The following OSBPL3 variants were observed in gnomAD, a reference collection of about 807,000 sequenced individuals.
OSBPL3 encodes oxysterol-binding protein-related protein 3.
Under a neutral mutation model 120.1 loss-of-function variants are expected in OSBPL3, and 65 were observed. The observed-to-expected ratio is 0.54, with a 90% CI of 0.44 to 0.67. The LOEUF (loss-of-function observed/expected upper bound fraction) is 0.67, where lower values mean the gene tolerates loss of function less well. OSBPL3 is among the 30% of genes least tolerant of loss of function. The pLI is 0.00. For missense variants in OSBPL3, 1,004 were observed against 1,082.1 expected (o/e 0.93, Z 1.01); for synonymous variants, 416 against 402.6 (o/e 1.03, Z -0.40).
chr7:24,838,277 C>A (rs1452050371), intron 14 of OSBPL3, among the ~76,000 whole-genome samples: 1 of 152,136 alleles, frequency 6.6e-6, no homozygotes, highest in Non-Finnish European at 1.5e-5. Flanking sequence ...GGGCAGATTA[C>A]TTGAGGCCAG....
chr7:24,908,681 C>T (rs986840828), intron 1 of OSBPL3, among the ~76,000 whole-genome samples: 18 of 152,348 alleles, frequency 1.2e-4, no homozygotes, highest in African/African-American at 4.3e-4. Flanking sequence ...TTCTCATAAG[C>T]TGCACAATGG....
chr7:24,979,658 G>A (rs533067833), intron 1 of OSBPL3, among the ~76,000 whole-genome samples: 21 of 152,238 alleles, frequency 1.4e-4, no homozygotes, highest in African/African-American at 3.4e-4. Context: ...GAGGGAAGGT[G>A]TCCTGGGGTG....
intron 1 of OSBPL3, among the ~76,000 whole-genome samples, chr7:24,902,577 T>C (rs987269319): frequency 1.3e-5 from 2 of 152,094 alleles, no homozygotes; most frequent in African/African-American, 4.8e-5. Context: ...TGCTGCATCT[T>C]AAGGTAGGAC....
At chr7:24,861,230 T>C (rs1800487672) in intron 10 of OSBPL3, among the ~76,000 whole-genome samples, 1 of 152,212 alleles carries the variant, frequency 6.6e-6, no homozygotes, top group African/African-American at 2.4e-5. Context: ...AATGGATACT[T>C]TGTTTGGATA....
chr7:24,863,436 G>T lies in OSBPL3; in HGVS notation c.777+60C>A, dbSNP rs1800857707. 6.9e-7 allele frequency: 1 copy of T among 1,451,718 alleles called. No homozygotes were observed. The highest frequency in any genetic ancestry group is 2.3e-5 in the East Asian group (1 of 44,066). 89.9% of individuals were successfully genotyped at this position (1,451,718 alleles called of 1,614,324 possible). A position where few individuals can be genotyped will look rare whatever the true frequency, so the allele number is the denominator to read the frequency against. Reference sequence around the variant, plus strand: ...AGCATCCCACTGTTAGTGAAAGGCTGGGAGGAGAAAGGAAAGCAGAAGAGG... The same window carrying T: ...AGCATCCCACTGTTAGTGAAAGGCTTGGAGGAGAAAGGAAAGCAGAAGAGG... On this transcript the variant is annotated intron_variant, in intron 8 of 22. Transcript: ENST00000313367. The surrounding 1 kb of genome is among the most constrained non-coding windows in gnomAD (Gnocchi z 5.8).
At position 24,894,639 on chromosome 7, in the gene OSBPL3, T is replaced by C. The variant is rs1380732681; in HGVS notation, c.-149-2018A>G. On this transcript the variant is annotated intron_variant, in intron 1 of 22. Coordinates refer to ENST00000313367, the MANE Select transcript of OSBPL3 (RefSeq NM_015550.4). The surrounding 1 kb of genome is among the most constrained non-coding windows in gnomAD (Gnocchi z 4.1). ...ATTAGGAATACCAGCGGAGTGTTTG[T>C]GTGTGTGTGTACAAGCTTTGCTTTT... Among the ~76,000 whole-genome samples, 4 of 151,854 alleles carry C rather than the reference T, an allele frequency of 2.6e-5. No individual in the cohort carries two copies. The highest frequency in any genetic ancestry group is 2.6e-4 in the Admixed American group (4 of 15,230).
chr7:24,884,822 TCTC>T (rs1193394463), intron 2 of OSBPL3, among the ~76,000 whole-genome samples: 1 of 152,136 alleles, frequency 6.6e-6, no homozygotes, highest in African/African-American at 2.4e-5. Context: ...GCTCGCTGCC[TCTC>T]CTCTTCTATG....
intron 19 of OSBPL3, 58 bp from the exon 20 acceptor site, chr7:24,810,009 A>C (rs1793575405): frequency 1.3e-6 from 2 of 1,582,688 alleles, no homozygotes; most frequent in Non-Finnish European, 1.7e-6. Context: ...TACAGATATT[A>C]AGGAAAGAAA....
intron 14 of OSBPL3, among the ~76,000 whole-genome samples, chr7:24,839,991 C>CAAAAAAAAAAAAAAAAAAAAAAAA (rs71675250): frequency 1.9e-5 from 1 of 53,268 alleles, no homozygotes; most frequent in Non-Finnish European, 3.3e-5. Context: ...CTCCATCTCA[C>CAAAAAAAAAAAAAAAAAAAAAAAA]AAAAAAAAAA....
Position 24,891,645 on chromosome 7 carries a change from C to A in OSBPL3, c.96+732G>T, listed in dbSNP as rs751069052. Among the ~76,000 whole-genome samples the A allele has an allele frequency of 6.6e-6, 1 of 152,192 alleles. No individual in the cohort carries two copies. The highest frequency in any genetic ancestry group is 1.5e-5 in the Non-Finnish European group (1 of 68,032). ...GGGAAGAATTATAATGATTAATGTG[C>A]ATTTACTGCCACTGATCTAAAACCA... On this transcript the variant is annotated intron_variant, in intron 2 of 22. Coordinates refer to ENST00000313367, the MANE Select transcript of OSBPL3 (RefSeq NM_015550.4). This position sits in a 1 kb window ranked among gnomAD's most constrained non-coding sequence, Gnocchi z 4.1.
chr7:24,863,556 G>C lies in OSBPL3; in HGVS notation c.717C>G (p.Leu239=). Residue 239 remains leucine (L), a synonymous_variant, in exon 8 of 23, where the codon CTC becomes CTG. Coordinates refer to ENST00000313367, the MANE Select transcript of OSBPL3 (RefSeq NM_015550.4). The surrounding 1 kb of genome is among the most constrained non-coding windows in gnomAD (Gnocchi z 5.8). ...GATGCAGGACGTCCATGCTTTGCAG[G>C]AGCTGGCTCATTTCTACCAGGTAGG... ...CHAYLVEMSQ[L]LQSMDVLHRT... is the part of the protein sequence containing the mutation. The C allele has an allele frequency of 6.2e-7, 1 of 1,614,144 alleles. No homozygotes were observed.
At chr7:24,925,151 A>T (rs1194111380) in intron 1 of OSBPL3, among the ~76,000 whole-genome samples, 1 of 152,224 alleles carries the variant, frequency 6.6e-6, no homozygotes, top group Non-Finnish European at 1.5e-5. Context: ...TTGGATTTAA[A>T]AAGCCAGCAG....
chr7:24,888,640 G>A (rs1804879124), intron 2 of OSBPL3, among the ~76,000 whole-genome samples: 1 of 152,270 alleles, frequency 6.6e-6, no homozygotes, highest in East Asian at 1.9e-4. Context: ...ATGTAAAAAT[G>A]AAAACACCTA....
intron 12 of OSBPL3, among the ~76,000 whole-genome samples, chr7:24,846,815 A>G (rs894081403): frequency 7.2e-5 from 11 of 152,200 alleles, no homozygotes; most frequent in Admixed American, 6.5e-5. Flanking sequence ...CTTTAATCCC[A>G]GCACTTTGGG....
rs1811801593 is a variant in OSBPL3 at position 24,931,607 on chromosome 7, C to T, written c.-149-38986G>A. On this transcript the variant is annotated intron_variant, in intron 1 of 22. Coordinates refer to ENST00000313367, the MANE Select transcript of OSBPL3 (RefSeq NM_015550.4). ...ACAAAAGCCTCCAAAAGAACAATGC[C>T]CGTTGACACCTGATTTTAGTTTTCT... Among the ~76,000 whole-genome samples, 3 of 152,132 alleles carry T rather than the reference C, an allele frequency of 2.0e-5. No individual in the cohort carries two copies. The East Asian group carries it at 5.8e-4, about 29-fold the overall frequency.
intron 1 of OSBPL3, among the ~76,000 whole-genome samples, chr7:24,979,476 G>A (rs1051867361): frequency 8.5e-5 from 13 of 152,152 alleles, no homozygotes; most frequent in African/African-American, 2.4e-4. Context: ...CCATCCCGCG[G>A]ATGTGGTAAA....
chr7:24,866,689 C>T (rs13245133), intron 5 of OSBPL3, among the ~76,000 whole-genome samples: 1 of 152,026 alleles, frequency 6.6e-6, no homozygotes, highest in Non-Finnish European at 1.5e-5. Flanking sequence ...GAGAAATAGC[C>T]TCTCATTGAC....
Position 24,980,010 on chromosome 7 carries a change from C to T in OSBPL3, c.-274G>A. The T allele has an allele frequency of 1.0e-6, 1 of 985,472 alleles. No homozygotes were observed. The highest frequency in any genetic ancestry group is 1.2e-6 in the Non-Finnish European group (1 of 830,008). 61.0% of individuals were successfully genotyped at this position (985,472 alleles called of 1,614,324 possible). ...CCCCCGCAACGTGCAGCTGACAGCT[C>T]CCGCACCGGCCGCAGGAGTCGGGGG... is the stretch of plus-strand genomic sequence containing the variant. On this transcript the variant is annotated 5_prime_UTR_variant, in exon 1 of 23. Coordinates refer to ENST00000313367, the MANE Select transcript of OSBPL3 (RefSeq NM_015550.4).
chr7:24,904,428 A>T (rs1240353184), intron 1 of OSBPL3, among the ~76,000 whole-genome samples: 2 of 152,232 alleles, frequency 1.3e-5, no homozygotes, highest in African/African-American at 4.8e-5. Flanking sequence ...TACAACAATG[A>T]AAATATACAG....
Sources: allele counts gnomAD v4.1 joint callset (sites outside exome capture counted in the v4.1 genomes callset), GRCh38; gene constraint gnomAD v4.1.1; non-coding constraint Gnocchi (gnomAD v3.1); transcripts MANE v1.5; gene names NCBI Gene and HGNC (gene_info 2026-07-23, HGNC 2026-07-21).